The following FOXJ3 variants were observed in gnomAD, a reference collection of about 807,000 sequenced individuals.
FOXJ3 encodes forkhead box protein J3.
In FOXJ3, 22 loss-of-function variants were observed where a neutral mutation model predicts 76.1. The ratio of observed to expected loss-of-function variants is 0.29; its 90% CI spans 0.21 to 0.41. The LOEUF (loss-of-function observed/expected upper bound fraction) is 0.41. FOXJ3 is among the 10% of genes least tolerant of loss of function. The pLI is 1.00. For synonymous variants in FOXJ3, 269 were observed against 261.2 expected (o/e 1.03, Z -0.29); for missense variants, 613 against 762.1 (o/e 0.80, Z 2.30).
intron 6 of FOXJ3, among the ~76,000 whole-genome samples, chr1:42,205,498 C>G (rs1483173050): frequency 6.6e-6 from 1 of 152,066 alleles, no homozygotes; most frequent in Non-Finnish European, 1.5e-5. Context: ...CAAATTCTAT[C>G]AATGGGAACT....
intron 4 of FOXJ3, among the ~76,000 whole-genome samples, chr1:42,259,724 A>G (rs908551944): frequency 6.6e-6 from 1 of 152,182 alleles, no homozygotes; most frequent in South Asian, 2.1e-4. Context: ...CAATCACTCA[A>G]TGGCACTAAT....
At chr1:42,224,668 T>A (rs1557651971) in intron 5 of FOXJ3, among the ~76,000 whole-genome samples, 1 of 150,730 alleles carries the variant, frequency 6.6e-6, no homozygotes, top group Non-Finnish European at 1.5e-5. Flanking sequence ...AAAAAATAAA[T>A]AAATAAAAAT....
At position 42,291,639 on chromosome 1, in the gene FOXJ3, G is replaced by GA. The variant is rs200954686; in HGVS notation, c.45-12968dup. On this transcript the variant is annotated intron_variant, in intron 2 of 12. Coordinates refer to ENST00000361346, the MANE Select transcript of FOXJ3 (RefSeq NM_014947.5). ...AACATCGCAAGAACTCATCTCTAAA[G>GA]AAAAAAAAAATTTTTGTTTTTGTTT... Among the ~76,000 whole-genome samples the GA allele has an allele frequency of 3.0e-3, 458 of 150,306 alleles. 6 individuals are homozygous for GA. The highest frequency in any genetic ancestry group is 8.9e-3 in the East Asian group (46 of 5,146).
At chr1:42,211,715 T>G (rs992760664) in intron 5 of FOXJ3, among the ~76,000 whole-genome samples, 3 of 152,100 alleles carry the variant, frequency 2.0e-5, no homozygotes, top group Non-Finnish European at 4.4e-5. Context: ...CCACTGGAGA[T>G]AGTGAGCCTG....
chr1:42,309,001 C>A (rs199977077), intron 2 of FOXJ3, among the ~76,000 whole-genome samples: 1,484 of 102,902 alleles, frequency 0.014, no homozygotes, highest in Middle Eastern at 0.022. Context: ...AGTCGTTTTA[C>A]AAAAAAAAAA....
intron 2 of FOXJ3, among the ~76,000 whole-genome samples, chr1:42,304,069 G>A (rs1654318409): frequency 6.6e-6 from 1 of 152,012 alleles, no homozygotes; most frequent in Non-Finnish European, 1.5e-5. Context: ...AGCTGCAGGA[G>A]ACAAAAATCA....
chr1:42,311,730 G>GTTCAAATTCTAGATTTTAGT (rs1654828079), intron 1 of FOXJ3, among the ~76,000 whole-genome samples: 2 of 150,900 alleles, frequency 1.3e-5, no homozygotes, highest in Non-Finnish European at 3.0e-5. Flanking sequence ...TAGATTTTAG[G>GTTCAAATTCTAGATTTTAGT]TTCAAATTCT....
intron 5 of FOXJ3, among the ~76,000 whole-genome samples, chr1:42,225,010 A>G (rs1448548013): frequency 6.6e-6 from 1 of 151,754 alleles, no homozygotes; most frequent in Non-Finnish European, 1.5e-5. Context: ...CCCGGGAGGT[A>G]GAGGCTGCAG....
chr1:42,240,565 T>C (rs1323530718), intron 4 of FOXJ3, among the ~76,000 whole-genome samples: 2 of 152,196 alleles, frequency 1.3e-5, no homozygotes, highest in African/African-American at 4.8e-5. Context: ...ATGTATTATA[T>C]ATTTATGGTC....
At chr1:42,201,408 A>C (rs1294649434) in intron 6 of FOXJ3, among the ~76,000 whole-genome samples, 3 of 152,150 alleles carry the variant, frequency 2.0e-5, no homozygotes, top group Non-Finnish European at 2.9e-5. Context: ...CACTGAAAAA[A>C]TTTCCACCTA....
intron 3 of FOXJ3, among the ~76,000 whole-genome samples, chr1:42,274,910 C>A: frequency 6.7e-6 from 1 of 150,066 alleles, no homozygotes. Flanking sequence ...AGACAAGGTC[C>A]AAGGAGAAAT....
chr1:42,177,805 C>T lies in FOXJ3; in HGVS notation c.*1905G>A, dbSNP rs1425450671. ...CACACTCTCACACACAGCACACACA[C>T]ACAGAAACAAAAGATGTTTGTTTAG... On this transcript the variant is annotated 3_prime_UTR_variant, in exon 13 of 13. Coordinates refer to ENST00000361346, the MANE Select transcript of FOXJ3 (RefSeq NM_014947.5). The T allele has an allele frequency of 6.6e-6, 1 of 152,422 alleles. No individual in the cohort carries two copies. The highest frequency in any genetic ancestry group is 2.4e-5 in the African/African-American group (1 of 41,392). 9.4% of individuals were successfully genotyped at this position (152,422 alleles called of 1,614,324 possible). A position where few individuals can be genotyped will look rare whatever the true frequency, so the allele number is the denominator to read the frequency against.
At chr1:42,271,538 T>C (rs1651865849) in intron 3 of FOXJ3, among the ~76,000 whole-genome samples, 1 of 152,162 alleles carries the variant, frequency 6.6e-6, no homozygotes, top group Non-Finnish European at 1.5e-5. Flanking sequence ...ACACAAAAAG[T>C]AGCACAATAC....
intron 4 of FOXJ3, among the ~76,000 whole-genome samples, chr1:42,240,914 T>C (rs189890564): frequency 7.9e-5 from 12 of 152,350 alleles, no homozygotes; most frequent in African/African-American, 2.6e-4. Flanking sequence ...AAAACAGATC[T>C]GATACTTGGC....
At chr1:42,237,935 CACACATAT>C (rs1648827659) in intron 4 of FOXJ3, among the ~76,000 whole-genome samples, 3 of 142,076 alleles carry the variant, frequency 2.1e-5, no homozygotes, top group African/African-American at 5.2e-5. Context: ...CACACACACA[CACACATAT>C]ATATAGACAC....
chr1:42,304,961 C>G (rs1654367660), intron 2 of FOXJ3, among the ~76,000 whole-genome samples: 1 of 152,124 alleles, frequency 6.6e-6, no homozygotes, highest in African/African-American at 2.4e-5. Context: ...AGACAAGCCA[C>G]AAAATGGCTG....
At chr1:42,300,110 G>A (rs1414487632) in intron 2 of FOXJ3, among the ~76,000 whole-genome samples, 1 of 152,018 alleles carries the variant, frequency 6.6e-6, no homozygotes, top group Non-Finnish European at 1.5e-5. Context: ...TGAGGCAGGA[G>A]CATCACTTGT....
intron 4 of FOXJ3, among the ~76,000 whole-genome samples, chr1:42,251,425 C>T (rs1311177473): frequency 1.3e-5 from 2 of 152,044 alleles, no homozygotes; most frequent in Non-Finnish European, 2.9e-5. Flanking sequence ...GAATTTGTTG[C>T]CTGCAAACCT....
intron 2 of FOXJ3, among the ~76,000 whole-genome samples, chr1:42,287,272 G>A (rs1474520575): frequency 6.6e-6 from 1 of 151,898 alleles, no homozygotes; most frequent in East Asian, 2.0e-4. Context: ...CCCAGGAGGT[G>A]GAGGCTGCAG....
Sources: allele counts gnomAD v4.1 joint callset (sites outside exome capture counted in the v4.1 genomes callset), GRCh38; gene constraint gnomAD v4.1.1; transcripts MANE v1.5; gene names NCBI Gene and HGNC (gene_info 2026-07-23, HGNC 2026-07-21).